Variants in FASLG observed in about 807,000 individuals in gnomAD.
FASLG encodes tumor necrosis factor ligand superfamily member 6.
A neutral mutation model predicts 24.6 loss-of-function variants in FASLG; 9 were observed. The observed-to-expected ratio is 0.37, with a 90% CI of 0.22 to 0.64. The LOEUF (loss-of-function observed/expected upper bound fraction) is 0.64, where lower values mean the gene tolerates loss of function less well. Ranked by LOEUF, FASLG falls within the 30% of genes least tolerant of loss-of-function variation. The pLI is 0.64. For missense variants in FASLG, 306 were observed against 345.3 expected (o/e 0.89, Z 0.90); for synonymous variants, 130 against 135.5 (o/e 0.96, Z 0.28).
Position 172,660,124 on chromosome 1 carries a change from T to C in FASLG, c.378T>C (p.Ser126=). 6.2e-7 allele frequency: 1 copy of C among 1,614,196 alleles called. No homozygotes were observed. Among genetic ancestry groups the C allele is most frequent in the Non-Finnish European group, 8.5e-7 (1 of 1,180,012 alleles). ...ESTSQMHTAS[S]LEKQIGHPSP... ...CCAGCCAGATGCACACAGCATCATCTTTGGAGAAGCAAATAGGTGAGTCTT... is the reference window on the plus strand; with the variant it reads ...CCAGCCAGATGCACACAGCATCATCCTTGGAGAAGCAAATAGGTGAGTCTT... The change falls in exon 2 of 4, where the codon TCT becomes TCC. Residue 126 remains serine, a synonymous_variant. Transcript: ENST00000367721.
Position 172,659,118 on chromosome 1 carries a change from G to C in FASLG, c.-84G>C. 6.3e-7 allele frequency: 1 copy of C among 1,595,622 alleles called. No homozygotes were observed. Among genetic ancestry groups the C allele is most frequent in the Non-Finnish European group, 8.5e-7 (1 of 1,171,258 alleles). Reference sequence around the variant, plus strand: ...CCTCCTCTTGAGCAGTCAGCAACAGGGTCCCGTCCTTGACACCTCAGCCTC... The same window carrying C: ...CCTCCTCTTGAGCAGTCAGCAACAGCGTCCCGTCCTTGACACCTCAGCCTC... On this transcript the variant is annotated 5_prime_UTR_variant, in exon 1 of 4. Transcript: ENST00000367721.
At chr1:172,664,922 C>A (rs758993507) in intron 3 of FASLG, among the ~76,000 whole-genome samples, 2 of 152,124 alleles carry the variant, frequency 1.3e-5, no homozygotes. Context: ...ATAAATATCA[C>A]AGAAAGTGGT....
chr1:172,664,051 T>C (rs1571332599), intron 2 of FASLG, among the ~76,000 whole-genome samples: 1 of 152,222 alleles, frequency 6.6e-6, no homozygotes, highest in Non-Finnish European at 1.5e-5. Flanking sequence ...ATAACTGACA[T>C]GACAGCTCTT....
At chr1:172,663,042 T>C (rs1254153324) in intron 2 of FASLG, among the ~76,000 whole-genome samples, 1 of 152,222 alleles carries the variant, frequency 6.6e-6, no homozygotes, top group Non-Finnish European at 1.5e-5. Flanking sequence ...TCATACCATA[T>C]GTGAGTTTTA....
intron 2 of FASLG, among the ~76,000 whole-genome samples, chr1:172,662,359 C>T (rs556306879): frequency 1.7e-3 from 257 of 152,032 alleles, no homozygotes; most frequent in Non-Finnish European, 2.8e-3. Flanking sequence ...CATTTTTTTC[C>T]GGTTAACTAA....
chr1:172,661,095 C>T (rs1175661824), intron 2 of FASLG, among the ~76,000 whole-genome samples: 2 of 152,182 alleles, frequency 1.3e-5, no homozygotes. Flanking sequence ...TGCCTTGTCA[C>T]CTACAGGGCT....
chr1:172,659,272 C>A lies in FASLG; in HGVS notation c.71C>A (p.Ala24Asp), dbSNP rs200254500. ...GACAGCAGTGCCAGCTCTCCCTGGG[C>A]CCCTCCAGGCACAGTTCTTCCCTGT... ...WVDSSASSPWAPPGTVLPCPT... is the reference protein window; with the variant it reads ...WVDSSASSPWDPPGTVLPCPT... Residue 24 changes from alanine (A) to aspartate (D), a missense_variant, in exon 1 of 4, where the codon GCC becomes GAC. Physicochemically the swap from Ala to Asp is moderately radical, Grantham distance 126 (BLOSUM62 -2). Transcript: ENST00000367721. 31 of 1,614,144 alleles carry A rather than the reference C, an allele frequency of 1.9e-5. No individual in the cohort carries two copies. In the East Asian group the frequency reaches 6.5e-4, roughly 34 times the overall value.
At chr1:172,660,444 G>T (rs138067784) in intron 2 of FASLG, among the ~76,000 whole-genome samples, 1 of 152,152 alleles carries the variant, frequency 6.6e-6, no homozygotes, top group African/African-American at 2.4e-5. Context: ...GTGGCTCCAG[G>T]CCTGTCCCCT....
chr1:172,664,475 T>G, intron 3 of FASLG, 85 bp downstream of exon 3: 1 of 1,305,450 alleles, frequency 7.7e-7, no homozygotes, highest in Non-Finnish European at 1.1e-6. Context: ...TACCAGGCTC[T>G]AGAGAGTTGT....
chr1:172,659,187 G>A lies in FASLG; in HGVS notation c.-15G>A. The A allele has an allele frequency of 1.2e-6, 2 of 1,614,132 alleles. No individual in the cohort carries two copies. The highest frequency in any genetic ancestry group is 1.7e-6 in the Non-Finnish European group (2 of 1,180,010). ...TAAAACCGTTTGCTGGGGCTGGCCTGACTCACCAGCTGCCATGCAGCAGCC... is the reference window on the plus strand; with the variant it reads ...TAAAACCGTTTGCTGGGGCTGGCCTAACTCACCAGCTGCCATGCAGCAGCC... On this transcript the variant is annotated 5_prime_UTR_variant, in exon 1 of 4. Coordinates refer to ENST00000367721, the MANE Select transcript of FASLG (RefSeq NM_000639.3).
At chr1:172,662,528 A>G (rs1320331648) in intron 2 of FASLG, among the ~76,000 whole-genome samples, 1 of 152,126 alleles carries the variant, frequency 6.6e-6, no homozygotes, top group African/African-American at 2.4e-5. Flanking sequence ...CCAAAGTTGT[A>G]CTAAGTACAA....
At position 172,666,616 on chromosome 1, in the gene FASLG, G is replaced by GGTGTGTGTGTGTGT. The variant is rs10640513; in HGVS notation, c.*619_*632dup. Reference sequence around the variant, plus strand: ...TGTGTATTTCCAGTGCAATTGTAGGGGTGTGTGTGTGTGTGTGTGTGTGTG... The same window carrying GGTGTGTGTGTGTGT: ...TGTGTATTTCCAGTGCAATTGTAGGGGTGTGTGTGTGTGTGTGTGTGTGTGTGTGTGTGTGTGTG... On this transcript the variant is annotated 3_prime_UTR_variant, in exon 4 of 4. Coordinates refer to ENST00000367721, the MANE Select transcript of FASLG (RefSeq NM_000639.3). 5 of 150,074 alleles carry GGTGTGTGTGTGTGT rather than the reference G, an allele frequency of 3.3e-5. No homozygotes were observed. The highest frequency in any genetic ancestry group is 7.5e-5 in the African/African-American group (3 of 40,220). 9.3% of individuals were successfully genotyped at this position (150,074 alleles called of 1,614,324 possible).
In FASLG at chr1:172,665,662, C is replaced by A; in HGVS notation, c.492C>A (p.Asp164Glu). Residue 164 changes from aspartate to glutamate, a missense_variant, in exon 4 of 4, where the codon GAC becomes GAA. Coordinates refer to ENST00000367721, the MANE Select transcript of FASLG (RefSeq NM_000639.3). ...NSRSMPLEWEDTYGIVLLSGV... is the reference protein window; with the variant it reads ...NSRSMPLEWEETYGIVLLSGV... ...GGTCCATGCCTCTGGAATGGGAAGACACCTATGGAATTGTCCTGCTTTCTG... is the reference window on the plus strand; with the variant it reads ...GGTCCATGCCTCTGGAATGGGAAGAAACCTATGGAATTGTCCTGCTTTCTG... 3 of 1,614,140 alleles carry A rather than the reference C, an allele frequency of 1.9e-6. No homozygotes were observed. The highest frequency in any genetic ancestry group is 2.5e-6 in the Non-Finnish European group (3 of 1,180,048).
At chr1:172,662,573 C>A (rs192988435) in intron 2 of FASLG, among the ~76,000 whole-genome samples, 185 of 148,348 alleles carry the variant, frequency 1.2e-3, no homozygotes, top group Non-Finnish European at 2.0e-3. Context: ...GTTGTTTACG[C>A]TAACACCTTG....
intron 2 of FASLG, among the ~76,000 whole-genome samples, chr1:172,661,196 C>T (rs1659130147): frequency 6.6e-6 from 1 of 152,126 alleles, no homozygotes; most frequent in Non-Finnish European, 1.5e-5. Flanking sequence ...AAGCAGGATA[C>T]CTCTGCAAAG....
intron 2 of FASLG, among the ~76,000 whole-genome samples, chr1:172,662,724 T>C (rs1433645779): frequency 2.6e-5 from 4 of 152,190 alleles, no homozygotes; most frequent in African/African-American, 9.7e-5. Context: ...GTCTAGGATA[T>C]CCTTGCAATT....
chr1:172,661,870 G>A (rs958054025), intron 2 of FASLG, among the ~76,000 whole-genome samples: 5 of 151,968 alleles, frequency 3.3e-5, no homozygotes, highest in Admixed American at 6.6e-5. Context: ...TTTGAAGAGC[G>A]CTTTAGAAAT....
chr1:172,666,535 A>G lies in FASLG; in HGVS notation c.*519A>G, dbSNP rs1424791566. 1 of 160,988 alleles carries G rather than the reference A, an allele frequency of 6.2e-6. No individual in the cohort carries two copies. The highest frequency in any genetic ancestry group is 1.4e-5 in the Non-Finnish European group (1 of 72,178). 10.0% of individuals were successfully genotyped at this position (160,988 alleles called of 1,614,324 possible). The stretch of plus-strand genomic sequence containing the variant: ...ATGCATATCCTGAGCCATCGGTGAA[A>G]CTAACAGATAAGCAAGAGAGATGTT... On this transcript the variant is annotated 3_prime_UTR_variant, in exon 4 of 4. Coordinates refer to ENST00000367721, the MANE Select transcript of FASLG (RefSeq NM_000639.3).
chr1:172,662,448 G>C (rs796418826), intron 2 of FASLG, among the ~76,000 whole-genome samples: 9 of 152,300 alleles, frequency 5.9e-5, no homozygotes, highest in African/African-American at 2.2e-4. Flanking sequence ...CAGCCCAGGG[G>C]GCCTGTCCTT....
Sources: gnomAD v4.1 joint callset for allele counts (sites outside exome capture counted in the v4.1 genomes callset) on GRCh38, gnomAD v4.1.1 for gene constraint, MANE v1.5 for transcripts, NCBI Gene and HGNC (gene_info 2026-07-23, HGNC 2026-07-21) for gene names.